The following LRRC4C variants were observed in gnomAD, a reference collection of about 807,000 sequenced individuals.
The protein encoded by LRRC4C is leucine-rich repeat-containing protein 4C.
Under a neutral mutation model 33.6 loss-of-function variants are expected in LRRC4C, and 5 were observed. The observed-to-expected ratio is 0.15, with a 90% CI of 0.08 to 0.31. The LOEUF (loss-of-function observed/expected upper bound fraction) is 0.31, where lower values mean the gene tolerates loss of function less well. Among genes scored for constraint, LRRC4C ranks in the 10% least tolerant of loss-of-function variants. The probability of loss-of-function intolerance (pLI) is 1.00; values close to 1 mark genes in which losing one functional copy is unlikely to be tolerated. For synonymous variants in LRRC4C, 329 were observed against 302.0 expected (o/e 1.09, Z -0.93); for missense variants, 560 against 796.7 (o/e 0.70, Z 3.58).
intron 1 of LRRC4C, among the ~76,000 whole-genome samples, chr11:41,377,072 T>C (rs1952962859): frequency 6.6e-6 from 1 of 152,220 alleles, no homozygotes; most frequent in South Asian, 2.1e-4. Context: ...GCTCATATGA[T>C]ATATGCAGTT....
At chr11:40,936,516 T>C (rs1180689363) in intron 1 of LRRC4C, among the ~76,000 whole-genome samples, 2 of 151,710 alleles carry the variant, frequency 1.3e-5, no homozygotes, top group African/African-American at 2.4e-5. Flanking sequence ...TTTTGTGTTT[T>C]TAGTAGAGAC....
chr11:41,102,026 A>C (rs1449120916), intron 1 of LRRC4C, among the ~76,000 whole-genome samples: 1 of 152,088 alleles, frequency 6.6e-6, no homozygotes. Flanking sequence ...AAAAATAACT[A>C]TTGAATACTA....
At chr11:40,612,566 C>G (rs559179449) in intron 3 of LRRC4C, among the ~76,000 whole-genome samples, 1 of 151,820 alleles carries the variant, frequency 6.6e-6, no homozygotes, top group Non-Finnish European at 1.5e-5. Flanking sequence ...TCAAAAAGAA[C>G]ATTAATTGAA....
chr11:41,317,558 C>T (rs1950833080), intron 1 of LRRC4C, among the ~76,000 whole-genome samples: 1 of 152,074 alleles, frequency 6.6e-6, no homozygotes, highest in Admixed American at 6.6e-5. Context: ...TTCATTAGAA[C>T]TTCTGTGCAC....
intron 3 of LRRC4C, among the ~76,000 whole-genome samples, chr11:40,581,699 C>T (rs929809382): frequency 6.6e-6 from 1 of 151,992 alleles, no homozygotes; most frequent in East Asian, 1.9e-4. Context: ...GTCGGGAGTT[C>T]GAGACCAGCC....
intron 1 of LRRC4C, among the ~76,000 whole-genome samples, chr11:41,278,120 G>A (rs377224760): frequency 1.3e-5 from 2 of 152,196 alleles, no homozygotes; most frequent in South Asian, 4.2e-4. Context: ...TCTATTTCAT[G>A]CCATGGTTAT....
rs1945746095 is a variant in LRRC4C, at chr11:40,319,690, T to A, written c.-238A>T. The A allele has an allele frequency of 2.0e-5, 3 of 152,198 alleles. No individual in the cohort carries two copies. The highest frequency in any genetic ancestry group is 4.4e-5 in the Non-Finnish European group (3 of 68,040). The allele number at this position is 152,198 out of a possible 1,614,324, so 9.4% of individuals were successfully genotyped here. ...AGAAAACTCAAAGAAGTTTAATAAG[T>A]GCTCTGGATTTCTGCAGATACTTCT... On this transcript the variant is annotated 5_prime_UTR_variant, in exon 4 of 7. Coordinates refer to ENST00000528697, the MANE Select transcript of LRRC4C (RefSeq NM_001258419.2).
At chr11:40,692,934 T>C (rs1467485493) in intron 2 of LRRC4C, among the ~76,000 whole-genome samples, 1 of 152,048 alleles carries the variant, frequency 6.6e-6, no homozygotes, top group Non-Finnish European at 1.5e-5. Context: ...GGTGAAGAAT[T>C]AAAATTAGAG....
At position 40,931,830 on chromosome 11, in the gene LRRC4C, C is replaced by T. The variant is rs559027785; in HGVS notation, c.-407+1805G>A. 9.1e-4 allele frequency among the ~76,000 whole-genome samples: 138 copies of T among 152,108 alleles called. 5 individuals carry two copies. The South Asian group carries it at 0.026, about 29-fold the overall frequency. Reference sequence around the variant, plus strand: ...TGGTTTGTAGCAGGATATTCTATTCCATTTTTTACATTTTTATTTCAGGGA... The same window carrying T: ...TGGTTTGTAGCAGGATATTCTATTCTATTTTTTACATTTTTATTTCAGGGA... On this transcript the variant is annotated intron_variant, in intron 2 of 6. Transcript: ENST00000528697.
At chr11:40,239,907 T>C (rs1013718057) in intron 5 of LRRC4C, among the ~76,000 whole-genome samples, 9 of 152,202 alleles carry the variant, frequency 5.9e-5, no homozygotes, top group African/African-American at 1.9e-4. Context: ...AAAACCTTCC[T>C]ACACAAAGTG....
chr11:41,250,278 C>A (rs1948597872), intron 1 of LRRC4C, among the ~76,000 whole-genome samples: 1 of 152,094 alleles, frequency 6.6e-6, no homozygotes, highest in Non-Finnish European at 1.5e-5. Context: ...GTGGAATCAA[C>A]AAAATGAAAC....
intron 4 of LRRC4C, among the ~76,000 whole-genome samples, chr11:40,259,317 T>G (rs933367343): frequency 2.6e-5 from 4 of 152,042 alleles, no homozygotes; most frequent in African/African-American, 9.7e-5. Flanking sequence ...ATTAGCCCTT[T>G]GTCAGATGAG....
intron 5 of LRRC4C, among the ~76,000 whole-genome samples, chr11:40,195,259 A>G (rs1862171585): frequency 6.6e-6 from 1 of 152,184 alleles, no homozygotes; most frequent in Non-Finnish European, 1.5e-5. Context: ...AAAAGACTAG[A>G]GGAAAAAAAT....
At chr11:40,156,640 A>T (rs1176065055) in intron 5 of LRRC4C, among the ~76,000 whole-genome samples, 1 of 152,046 alleles carries the variant, frequency 6.6e-6, no homozygotes, top group Non-Finnish European at 1.5e-5. Flanking sequence ...AGAAACAAAA[A>T]CAAAAACCCA....
intron 1 of LRRC4C, among the ~76,000 whole-genome samples, chr11:41,049,185 G>A (rs1262777167): frequency 6.6e-6 from 1 of 152,092 alleles, no homozygotes; most frequent in Non-Finnish European, 1.5e-5. Flanking sequence ...AAAGGGAGGT[G>A]GTTTCCTCCA....
At chr11:41,429,330 T>C (rs1166487637) in intron 1 of LRRC4C, among the ~76,000 whole-genome samples, 1 of 152,150 alleles carries the variant, frequency 6.6e-6, no homozygotes, top group Non-Finnish European at 1.5e-5. Flanking sequence ...GGGTATGTCT[T>C]TATTAGCAGC....
intron 1 of LRRC4C, among the ~76,000 whole-genome samples, chr11:41,305,241 C>T (rs1390065594): frequency 1.8e-5 from 1 of 56,308 alleles, no homozygotes; most frequent in African/African-American, 4.6e-5. Context: ...GGGGTCAGCC[C>T]CCCGCCCGGC....
intron 5 of LRRC4C, among the ~76,000 whole-genome samples, chr11:40,240,937 C>A (rs1397829871): frequency 6.6e-6 from 1 of 152,088 alleles, no homozygotes; most frequent in African/African-American, 2.4e-5. Context: ...TAATTCTAGG[C>A]CACATTCTAA....
At chr11:40,701,046 C>G (rs1945841405) in intron 2 of LRRC4C, among the ~76,000 whole-genome samples, 1 of 152,064 alleles carries the variant, frequency 6.6e-6, no homozygotes, top group African/African-American at 2.4e-5. Flanking sequence ...ACTATATGAT[C>G]AAGAAAATAT....
Sources: gnomAD v4.1 joint callset for allele counts (sites outside exome capture counted in the v4.1 genomes callset) on GRCh38, gnomAD v4.1.1 for gene constraint, MANE v1.5 for transcripts, NCBI Gene and HGNC (gene_info 2026-07-23, HGNC 2026-07-21) for gene names.